Variants in CHMP7 observed in about 807,000 individuals in gnomAD.
CHMP7 encodes charged multivesicular body protein 7.
In CHMP7, 15 loss-of-function variants were observed where a neutral mutation model predicts 53.7. The observed-to-expected ratio is 0.28, with a 90% CI of 0.19 to 0.43. The LOEUF is 0.43. Ranked by LOEUF, CHMP7 falls within the 20% of genes least tolerant of loss-of-function variation. The probability of loss-of-function intolerance (pLI) is 1.00; values close to 1 mark genes in which losing one functional copy is unlikely to be tolerated. For synonymous variants in CHMP7, 261 were observed against 228.0 expected, an observed-to-expected ratio of 1.14 and a Z score of -1.30; for missense variants, 527 against 569.4, an observed-to-expected ratio of 0.93 and a Z score of 0.76.
chr8:23,260,577 A>G lies in CHMP7; in HGVS notation c.1340A>G (p.Glu447Gly). The G allele has an allele frequency of 1.2e-6, 2 of 1,614,134 alleles. No individual in the cohort carries two copies. Among genetic ancestry groups the G allele is most frequent in the Non-Finnish European group, 1.7e-6 (2 of 1,179,954 alleles). ...PSSKSPKRQL[E>G]PTLKPL ...AGTAAATCTCCAAAAAGGCAATTGG[A>G]ACCGACTCTAAAGCCATTGTAGGAC... Residue 447 changes from glutamate (E) to glycine (G), a missense_variant, in exon 11 of 11, where the codon GAA becomes GGA. By Grantham distance (98) the Glu-to-Gly change is moderately conservative. Coordinates refer to ENST00000397677, the MANE Select transcript of CHMP7 (RefSeq NM_152272.5).
chr8:23,248,747 C>T (rs529602185), intron 2 of CHMP7, among the ~76,000 whole-genome samples: 2 of 152,330 alleles, frequency 1.3e-5, no homozygotes, highest in Admixed American at 6.5e-5. Flanking sequence ...CTCACCCTTG[C>T]CTTGGAAGAG....
intron 1 of CHMP7, among the ~76,000 whole-genome samples, chr8:23,244,305 G>C (rs1371330620): frequency 6.6e-6 from 1 of 152,134 alleles, no homozygotes; most frequent in Non-Finnish European, 1.5e-5. Flanking sequence ...TGATCCATTT[G>C]AGCTGGCTTT....
intron 3 of CHMP7, among the ~76,000 whole-genome samples, chr8:23,250,164 C>T (rs947648684): frequency 5.9e-5 from 9 of 152,278 alleles, no homozygotes; most frequent in African/African-American, 1.7e-4. Flanking sequence ...TCCCCTCACA[C>T]GCTCATTCCA....
At chr8:23,259,985 C>T in intron 9 of CHMP7, 159 bp from the exon 10 acceptor site, 2 of 611,358 alleles carry the variant, frequency 3.3e-6, no homozygotes, top group Non-Finnish European at 2.9e-6. Flanking sequence ...ATCATCTCTG[C>T]TTGAAGCTAC....
rs771831466 is a variant in CHMP7, at chr8:23,246,911, G to A, written c.216G>A (p.Leu72=). Reference sequence around the variant, plus strand: ...GCCGCCGCCAGGGGGTGGTGCGCCTGCGTCTGCGGGACTTGCAGGAGGCCT... The same window carrying A: ...GCCGCCGCCAGGGGGTGGTGCGCCTACGTCTGCGGGACTTGCAGGAGGCCT... ...SHSRRQGVVR[L]RLRDLQEAFQ... Residue 72 remains leucine (L), a synonymous_variant, in exon 2 of 11, where the codon CTG becomes CTA. Transcript: ENST00000397677. 11 of 1,574,200 alleles carry A rather than the reference G, an allele frequency of 7.0e-6. No individual in the cohort carries two copies. The South Asian group carries it at 1.2e-4, about 17-fold the overall frequency.
At chr8:23,247,137 G>A in intron 2 of CHMP7, 143 bp downstream of exon 2, 1 of 803,994 alleles carries the variant, frequency 1.2e-6, no homozygotes, top group Non-Finnish European at 1.8e-6. Flanking sequence ...GTGTTCAGAA[G>A]GCGAAGAAGG....
chr8:23,260,624 G>A lies in CHMP7; in HGVS notation c.*25G>A, dbSNP rs773503092. ...GGACCCTCAAGTGAAGGACCCTCAT[G>A]TAAAAGAGAGACCAGGCTTGCTGGG... On this transcript the variant is annotated 3_prime_UTR_variant, in exon 11 of 11. Coordinates refer to ENST00000397677, the MANE Select transcript of CHMP7 (RefSeq NM_152272.5). 6.3e-7 allele frequency: 1 copy of A among 1,578,892 alleles called. No individual in the cohort carries two copies.
chr8:23,257,137 C>A (rs1208099639), intron 5 of CHMP7, among the ~76,000 whole-genome samples: 1 of 142,844 alleles, frequency 7.0e-6, no homozygotes, highest in African/African-American at 2.6e-5. Flanking sequence ...CTTGCACTGT[C>A]CCCTAGGCTG....
intron 1 of CHMP7, among the ~76,000 whole-genome samples, chr8:23,244,932 C>T (rs1022127428): frequency 6.6e-6 from 1 of 152,170 alleles, no homozygotes; most frequent in African/African-American, 2.4e-5. Flanking sequence ...TCATATTCCA[C>T]TTGATCATTA....
At position 23,255,254 on chromosome 8, in the gene CHMP7, C is replaced by G. The variant is rs1802077436; in HGVS notation, c.479C>G (p.Ala160Gly). 14 of 1,613,986 alleles carry G rather than the reference C, an allele frequency of 8.7e-6. No individual in the cohort carries two copies. Among genetic ancestry groups the G allele is most frequent in the Non-Finnish European group, 1.1e-5 (13 of 1,180,036 alleles). The change falls in exon 4 of 11, where the codon GCT becomes GGT. Residue 160 changes from alanine to glycine, a missense_variant. Ala to Gly is a moderately conservative substitution (Grantham distance 60, BLOSUM62 0). Transcript: ENST00000397677. ...ATGTTGCCTTTCCCACAGGAAAAGG[C>G]TGAGGAGGTGTATCGTCTGTATCAG... is the stretch of plus-strand genomic sequence containing the variant. ...LVAVELLKEKAEEVYRLYQNS... is the reference protein window; with the variant it reads ...LVAVELLKEKGEEVYRLYQNS...
chr8:23,258,827 A>C lies in CHMP7; in HGVS notation c.1056A>C (p.Gln352His). Reference sequence around the variant, plus strand: ...CAGAGAGCCTCGTGGATCAGATCCAAGAGGTACAGAAAGGGGCCAGGGAGG... The same window carrying C: ...CAGAGAGCCTCGTGGATCAGATCCACGAGGTACAGAAAGGGGCCAGGGAGG... ...EKAESLVDQI[Q>H]ELCDTQDEVS... is the part of the protein sequence containing the mutation. Residue 352 changes from glutamine to histidine, a missense_variant, in exon 8 of 11, where the codon CAA becomes CAC. Physicochemically the swap from Gln to His is conservative, Grantham distance 24. Coordinates refer to ENST00000397677, the MANE Select transcript of CHMP7 (RefSeq NM_152272.5). The C allele has an allele frequency of 6.2e-7, 1 of 1,602,754 alleles. No homozygotes were observed. The highest frequency in any genetic ancestry group is 8.5e-7 in the Non-Finnish European group (1 of 1,170,068).
In CHMP7 at chr8:23,260,545, C is replaced by T. The variant is rs753176661; in HGVS notation, c.1308C>T (p.Val436=). ...CATTTCTTTGCCTTGCAGGTTTGGT[C>T]CCAAGCAGTAAATCTCCAAAAAGGC... The part of the protein sequence containing the change: ...EKLSLSEGGL[V]PSSKSPKRQL... Residue 436 remains valine, a synonymous_variant, in exon 11 of 11, where the codon GTC becomes GTT. Transcript: ENST00000397677. 1.7e-5 allele frequency: 28 copies of T among 1,613,898 alleles called. No homozygotes were observed. The highest frequency in any genetic ancestry group is 2.3e-5 in the Non-Finnish European group (27 of 1,179,916).
Position 23,260,643 on chromosome 8 carries a change from TG to T in CHMP7, c.*45del. The T allele has an allele frequency of 7.2e-7, 1 of 1,390,784 alleles. No individual in the cohort carries two copies. The highest frequency in any genetic ancestry group is 1.0e-6 in the Non-Finnish European group (1 of 974,814). 86.2% of individuals were successfully genotyped at this position (1,390,784 alleles called of 1,614,324 possible). ...CCTCATGTAAAAGAGAGACCAGGCT[TG>T]CTGGGTGTGTACATAGTTATTTAAA... On this transcript the variant is annotated 3_prime_UTR_variant, in exon 11 of 11. Coordinates refer to ENST00000397677, the MANE Select transcript of CHMP7 (RefSeq NM_152272.5).
At chr8:23,247,113 A>G (rs768838957) in intron 2 of CHMP7, 119 bp downstream of exon 2, 2 of 994,312 alleles carry the variant, frequency 2.0e-6, no homozygotes, top group Non-Finnish European at 2.8e-6. Context: ...TGGCCCAGAG[A>G]AGGCATCCAG....
chr8:23,257,082 G>A (rs1387944960), intron 5 of CHMP7, among the ~76,000 whole-genome samples: 15 of 148,762 alleles, frequency 1.0e-4, no homozygotes, highest in African/African-American at 3.4e-4. Context: ...GTGAGCCACC[G>A]TGCCCGGCCT....
rs540271535 is a variant in CHMP7, at chr8:23,256,950, G to A, written c.791+357G>A. On this transcript the variant is annotated intron_variant, in intron 5 of 10. Coordinates refer to ENST00000397677, the MANE Select transcript of CHMP7 (RefSeq NM_152272.5). ...TGGTACTACAGCCACCCGCCACCAC[G>A]CCTGGCGAATTTTTTATATTTCTAG... Among the ~76,000 whole-genome samples, 7 of 151,900 alleles carry A rather than the reference G, an allele frequency of 4.6e-5. No homozygotes were observed. The South Asian group carries it at 1.0e-3, about 23-fold the overall frequency.
chr8:23,258,599 C>A, intron 7 of CHMP7, 133 bp from the exon 8 acceptor site: 2 of 1,237,846 alleles, frequency 1.6e-6, no homozygotes, highest in Non-Finnish European at 2.3e-6. Flanking sequence ...GGTTTGGCCT[C>A]GGTGGGTATA....
intron 2 of CHMP7, among the ~76,000 whole-genome samples, chr8:23,247,773 T>G (rs1801765620): frequency 2.6e-5 from 4 of 152,160 alleles, no homozygotes; most frequent in Non-Finnish European, 1.5e-5. Flanking sequence ...ACACAGCTAG[T>G]TAAAGGTGAT....
chr8:23,258,863 G>C (rs937932848), intron 8 of CHMP7, 33 bp downstream of exon 8: 1 of 1,440,318 alleles, frequency 6.9e-7, no homozygotes, highest in South Asian at 1.2e-5. Context: ...GACACACAGA[G>C]AAGGAGGTGA....
Sources: gnomAD v4.1 joint callset for allele counts (sites outside exome capture counted in the v4.1 genomes callset) on GRCh38, gnomAD v4.1.1 for gene constraint, MANE v1.5 for transcripts, NCBI Gene and HGNC (gene_info 2026-07-23, HGNC 2026-07-21) for gene names.